The following ALG9 variants were observed in gnomAD, a reference collection of about 807,000 sequenced individuals.
ALG9 encodes alpha-1,2-mannosyltransferase ALG9.
In ALG9, 55 loss-of-function variants were observed where a neutral mutation model predicts 81.8. That is an observed-to-expected ratio of 0.67 (90% CI 0.54 to 0.84). The LOEUF (loss-of-function observed/expected upper bound fraction) is 0.84. Among genes scored for constraint, ALG9 ranks in the 40% least tolerant of loss-of-function variants. The pLI is 0.00. For synonymous variants in ALG9, 278 were observed against 274.3 expected (o/e 1.01, Z -0.13); for missense variants, 629 against 745.0 (o/e 0.84, Z 1.81).
At chr11:111,827,404 A>C (rs781840542) in intron 13 of ALG9, among the ~76,000 whole-genome samples, 2 of 152,042 alleles carry the variant, frequency 1.3e-5, no homozygotes, top group Non-Finnish European at 2.9e-5. Context: ...TGAACCCGGT[A>C]GTGGGAGGTT....
chr11:111,804,586 G>A (rs1555083448), intron 14 of ALG9, among the ~76,000 whole-genome samples: 1 of 152,086 alleles, frequency 6.6e-6, no homozygotes, highest in Admixed American at 6.5e-5. Flanking sequence ...GCGAGACCCT[G>A]TCTCAAAAAC....
rs910738607 is a variant in ALG9, at chr11:111,844,644, T to A, written c.975A>T (p.Leu325=). 6.2e-7 allele frequency: 1 copy of A among 1,614,004 alleles called. No homozygotes were observed. The highest frequency in any genetic ancestry group is 1.3e-5 in the African/African-American group (1 of 74,916). ...NVAFALALLV[L]PLTSLMEYLL... ...GGTATTCCATAAGAGAAGTCAGTGG[T>A]AGGACTAGGAGAGCCAAAGCAAAGG... Residue 325 remains leucine, a synonymous_variant, in exon 9 of 15, where the codon CTA becomes CTT. Coordinates refer to ENST00000616540, the MANE Select transcript of ALG9 (RefSeq NM_024740.2).
intron 13 of ALG9, among the ~76,000 whole-genome samples, chr11:111,830,940 G>A (rs1317522117): frequency 2.0e-5 from 3 of 152,150 alleles, no homozygotes; most frequent in Non-Finnish European, 4.4e-5. Context: ...GGAGGTCAAG[G>A]CAGAAGGATC....
rs117243931 is a variant in ALG9, at chr11:111,864,589, G to C, written c.476+592C>G. On this transcript the variant is annotated intron_variant, in intron 4 of 14. Coordinates refer to ENST00000616540, the MANE Select transcript of ALG9 (RefSeq NM_024740.2). ...ATGTGCTGTAATATACGAACTTCTA[G>C]TTTCATCAGTCTTTAACATCTACCT... 3,582 of 510,946 alleles carry C rather than the reference G, an allele frequency of 7.0e-3. 18 individuals carry two copies. The highest frequency in any genetic ancestry group is 0.024 in the Middle Eastern group (43 of 1,802). 31.7% of individuals were successfully genotyped at this position (510,946 alleles called of 1,614,324 possible). A position where few individuals can be genotyped will look rare whatever the true frequency, so the allele number is the denominator to read the frequency against.
At chr11:111,850,495 C>G (rs1349531110) in intron 8 of ALG9, among the ~76,000 whole-genome samples, 1 of 151,816 alleles carries the variant, frequency 6.6e-6, no homozygotes, top group Non-Finnish European at 1.5e-5. Flanking sequence ...CATTTGAGGT[C>G]AGGAGTTCAA....
chr11:111,867,615 G>A (rs1962928584), intron 3 of ALG9, among the ~76,000 whole-genome samples: 1 of 152,162 alleles, frequency 6.6e-6, no homozygotes, highest in Admixed American at 6.5e-5. Flanking sequence ...AAGAATCAGT[G>A]AAGTGGAAGA....
chr11:111,853,789 A>G (rs2137054873), intron 6 of ALG9, 53 bp from the exon 7 acceptor site: 22 of 1,463,292 alleles, frequency 1.5e-5, no homozygotes, highest in Non-Finnish European at 2.0e-5. Flanking sequence ...ACAGAGACAA[A>G]TCAGATTCAC....
intron 14 of ALG9, among the ~76,000 whole-genome samples, chr11:111,803,907 T>G (rs1049408072): frequency 6.6e-6 from 1 of 151,252 alleles, no homozygotes; most frequent in African/African-American, 2.4e-5. Context: ...GCGAGTCGGG[T>G]GGATCACTTG....
downstream of ALG9, among the ~76,000 whole-genome samples, chr11:111,778,688 T>G (rs996847682): frequency 6.6e-6 from 1 of 152,088 alleles, no homozygotes; most frequent in Admixed American, 6.5e-5. Context: ...TGTTCAACTC[T>G]AGCTACCTGT....
At chr11:111,788,207 G>A (rs1443200194) in intron 14 of ALG9, among the ~76,000 whole-genome samples, 2 of 152,248 alleles carry the variant, frequency 1.3e-5, no homozygotes, top group African/African-American at 4.8e-5. Context: ...GCCTAACCTT[G>A]GGTTTGGCAG....
At chr11:111,805,472 A>G (rs1555084308) in intron 14 of ALG9, among the ~76,000 whole-genome samples, 1 of 152,258 alleles carries the variant, frequency 6.6e-6, no homozygotes, top group Admixed American at 6.5e-5. Context: ...AATATTATTC[A>G]GAGTTCAAAA....
intron 13 of ALG9, among the ~76,000 whole-genome samples, chr11:111,824,451 C>T (rs1555106593): frequency 1.3e-5 from 2 of 152,224 alleles, no homozygotes; most frequent in African/African-American, 4.8e-5. Flanking sequence ...CAGAGGAAGA[C>T]AAATACATGG....
chr11:111,857,017 G>A (rs1555143773), intron 6 of ALG9, among the ~76,000 whole-genome samples: 1 of 152,336 alleles, frequency 6.6e-6, no homozygotes, highest in Middle Eastern at 3.4e-3. Flanking sequence ...TGAGGCAGGA[G>A]AATCACTTGA....
intron 13 of ALG9, among the ~76,000 whole-genome samples, chr11:111,825,292 G>A (rs1953044431): frequency 6.6e-6 from 1 of 152,200 alleles, no homozygotes; most frequent in Non-Finnish European, 1.5e-5. Context: ...GCCAGGCATT[G>A]TGAAGGTTTG....
intron 5 of ALG9, 82 bp from the exon 6 acceptor site, chr11:111,857,819 T>C: frequency 7.5e-6 from 11 of 1,473,784 alleles, no homozygotes; most frequent in Non-Finnish European, 1.0e-5. Context: ...TGATTAAAAA[T>C]TTACCTACAT....
intron 1 of ALG9, 147 bp from the exon 2 acceptor site, chr11:111,870,517 T>C (rs1486174561): frequency 2.6e-6 from 3 of 1,135,828 alleles, no homozygotes; most frequent in Non-Finnish European, 3.6e-6. Flanking sequence ...GAATAGCTAG[T>C]TGTTTTTTCT....
chr11:111,841,757 G>A (rs921532837), intron 9 of ALG9, among the ~76,000 whole-genome samples: 6 of 152,118 alleles, frequency 3.9e-5, no homozygotes, highest in Non-Finnish European at 7.3e-5. Context: ...CACTTTCACT[G>A]TAGAAATTCT....
chr11:111,786,590 T>C (rs782411869), intron 14 of ALG9, 70 bp from the exon 15 acceptor site: 1 of 1,502,622 alleles, frequency 6.7e-7, no homozygotes, highest in Non-Finnish European at 9.2e-7. Context: ...TAAATGTGAT[T>C]AAAATAAATA....
Position 111,785,869 on chromosome 11 carries a change from A to G in ALG9, c.*528T>C, listed in dbSNP as rs1398960959. On this transcript the variant is annotated 3_prime_UTR_variant, in exon 15 of 15. Transcript: ENST00000616540. ...AAGCTTAGTCTTGCTGGAGGTGAAA[A>G]GGACATGTGGGTTGGCAACTAGGCT... 1 of 363,664 alleles carries G rather than the reference A, an allele frequency of 2.7e-6. No individual in the cohort carries two copies. The highest frequency in any genetic ancestry group is 5.4e-6 in the Non-Finnish European group (1 of 185,784). The allele number at this position is 363,664 out of a possible 1,614,324, so 22.5% of individuals were successfully genotyped here.
Sources: gnomAD v4.1 joint callset for allele counts (sites outside exome capture counted in the v4.1 genomes callset) on GRCh38, gnomAD v4.1.1 for gene constraint, MANE v1.5 for transcripts, NCBI Gene and HGNC (gene_info 2026-07-23, HGNC 2026-07-21) for gene names.